Variants in ZCCHC2 observed in about 807,000 individuals in gnomAD.
ZCCHC2 encodes zinc finger CCHC domain-containing protein 2.
Under a neutral mutation model 103.6 loss-of-function variants are expected in ZCCHC2, and 39 were observed. That is an observed-to-expected ratio of 0.38 (90% confidence interval 0.29 to 0.49). The LOEUF is 0.49. ZCCHC2 is among the 20% of genes least tolerant of loss of function. ZCCHC2 has a pLI of 0.96. For synonymous variants in ZCCHC2, 687 were observed against 608.9 expected (o/e 1.13, Z -1.89); for missense variants, 1,483 against 1,491.0 (o/e 0.99, Z 0.09).
At position 62,562,994 on chromosome 18, in the gene ZCCHC2, A is replaced by G; in HGVS notation, c.1551-15A>G. 1 of 1,598,106 alleles carries G rather than the reference A, an allele frequency of 6.3e-7. No individual in the cohort carries two copies. The highest frequency in any genetic ancestry group is 8.6e-7 in the Non-Finnish European group (1 of 1,166,986). ...AGGGCAGATTTTCACACTTTCATAAACTTTTCTTTGGTAGCAATATTGGTA... is the reference window on the plus strand; with the variant it reads ...AGGGCAGATTTTCACACTTTCATAAGCTTTTCTTTGGTAGCAATATTGGTA... On this transcript the variant is annotated splice_polypyrimidine_tract_variant and intron_variant, in intron 8 of 13. Coordinates refer to ENST00000269499, the MANE Select transcript of ZCCHC2 (RefSeq NM_017742.6).
At chr18:62,524,458 G>A (rs1295676925) in intron 1 of ZCCHC2, 95 bp downstream of exon 1, 11 of 1,398,678 alleles carry the variant, frequency 7.9e-6, no homozygotes, top group African/African-American at 1.5e-5. Context: ...CCGAGCCCCA[G>A]CCCGGCGCAG....
At position 62,523,597 on chromosome 18, in the gene ZCCHC2, T is replaced by TGCCGCC. The variant is rs937867401; in HGVS notation, c.186_191dup (p.Pro63_Pro64dup). The TGCCGCC allele has an allele frequency of 4.7e-5, 49 of 1,036,680 alleles. No homozygotes were observed. The highest frequency in any genetic ancestry group is 4.2e-4 in the Middle Eastern group (1 of 2,364). 64.2% of individuals were successfully genotyped at this position (1,036,680 alleles called of 1,614,324 possible). On this transcript the variant is annotated inframe_insertion, in exon 1 of 14. Transcript: ENST00000269499. Reference sequence around the variant, plus strand: ...CCCGCGGGCCCGTCGCGGGGCCCTCTGCCGCCGCCGCCGCCGCCCCGGGGA... The same window carrying TGCCGCC: ...CCCGCGGGCCCGTCGCGGGGCCCTCTGCCGCCGCCGCCGCCGCCGCCGCCCCGGGGA...
intron 3 of ZCCHC2, 25 bp from the exon 4 acceptor site, chr18:62,544,777 A>G (rs1915342508): frequency 1.3e-6 from 2 of 1,525,314 alleles, no homozygotes; most frequent in African/African-American, 1.4e-5. Flanking sequence ...ATAACCATAT[A>G]ATATGTGTGT....
At chr18:62,549,559 A>G (rs868657768) in intron 4 of ZCCHC2, among the ~76,000 whole-genome samples, 1 of 152,254 alleles carries the variant, frequency 6.6e-6, no homozygotes, top group Non-Finnish European at 1.5e-5. Flanking sequence ...AATTTTAGTG[A>G]AAGTGCCAGT....
At chr18:62,531,633 G>A (rs899536345) in intron 1 of ZCCHC2, among the ~76,000 whole-genome samples, 5 of 152,000 alleles carry the variant, frequency 3.3e-5, no homozygotes, top group Admixed American at 1.3e-4. Context: ...GCACAATTTG[G>A]TTGCAGTGGA....
At chr18:62,528,499 T>C (rs917944254) in intron 1 of ZCCHC2, among the ~76,000 whole-genome samples, 66 of 151,236 alleles carry the variant, frequency 4.4e-4, no homozygotes, top group African/African-American at 1.5e-3. Flanking sequence ...CTCTGGAGGC[T>C]GAGGCAGGAG....
At chr18:62,550,135 C>T (rs1915600461) in intron 4 of ZCCHC2, among the ~76,000 whole-genome samples, 1 of 152,166 alleles carries the variant, frequency 6.6e-6, no homozygotes, top group South Asian at 2.1e-4. Context: ...TGGGGGAGCC[C>T]TGAGGTTCAG....
intron 3 of ZCCHC2, 117 bp from the exon 4 acceptor site, chr18:62,544,685 C>G (rs995076942): frequency 1.3e-6 from 1 of 768,398 alleles, no homozygotes; most frequent in Non-Finnish European, 2.0e-6. Flanking sequence ...CTTTATATTT[C>G]TAACTGTTAA....
In ZCCHC2 at chr18:62,575,527, C is replaced by T. The variant is rs755323708; in HGVS notation, c.3446C>T (p.Ser1149Leu). 2.9e-5 allele frequency: 46 copies of T among 1,613,462 alleles called. No homozygotes were observed. The highest frequency in any genetic ancestry group is 1.3e-4 in the Admixed American group (8 of 59,998). ...SGHYAQDCKQ[S>L]SMEANQQGTY... ...CACTATGCACAGGACTGTAAGCAGT[C>T]GTCCATGGAGGCCAATCAACAAGGT... is the stretch of plus-strand genomic sequence containing the variant. Residue 1149 changes from serine (S) to leucine (L), a missense_variant, in exon 13 of 14, where the codon TCG (serine) becomes TTG (leucine). Physicochemically the swap from Ser to Leu is moderately radical, Grantham distance 145. Transcript: ENST00000269499.
At chr18:62,551,963 C>G (rs1303893451) in intron 5 of ZCCHC2, 4 of 152,076 alleles carry the variant, frequency 2.6e-5, no homozygotes, top group African/African-American at 7.2e-5. Flanking sequence ...TACGGCCCCC[C>G]TCCTGAGTAG....
chr18:62,565,338 C>T (rs928760231), intron 11 of ZCCHC2, among the ~76,000 whole-genome samples: 2 of 152,118 alleles, frequency 1.3e-5, no homozygotes, highest in Non-Finnish European at 2.9e-5. Flanking sequence ...CTGCCTCTCC[C>T]TTCTGGCAGC....
At chr18:62,528,134 T>A (rs988354321) in intron 1 of ZCCHC2, among the ~76,000 whole-genome samples, 1 of 152,244 alleles carries the variant, frequency 6.6e-6, no homozygotes, top group African/African-American at 2.4e-5. Context: ...CTAACAGTAC[T>A]AATGTTTGAA....
Position 62,523,487 on chromosome 18 carries a change from G to C in ZCCHC2, c.63G>C (p.Glu21Asp), listed in dbSNP as rs996883003. ...CCGCGGAGCCGCCGCCCGAGGCGGA[G>C]GAGCCCGAGGCGGACGCGCGGCCGG... ...THPAEPPPEAEEPEADARPGA... is the reference protein window; with the variant it reads ...THPAEPPPEADEPEADARPGA... The change falls in exon 1 of 14, where the codon GAG becomes GAC. Residue 21 changes from glutamate to aspartate, a missense_variant. By Grantham distance (45) the Glu-to-Asp change is conservative. Coordinates refer to ENST00000269499, the MANE Select transcript of ZCCHC2 (RefSeq NM_017742.6). 2 of 1,048,108 alleles carry C rather than the reference G, an allele frequency of 1.9e-6. No individual in the cohort carries two copies. The highest frequency in any genetic ancestry group is 2.3e-6 in the Non-Finnish European group (2 of 864,330). 64.9% of individuals were successfully genotyped at this position (1,048,108 alleles called of 1,614,324 possible).
intron 5 of ZCCHC2, among the ~76,000 whole-genome samples, chr18:62,554,201 T>G (rs1309537612): frequency 6.6e-6 from 1 of 152,180 alleles, no homozygotes; most frequent in Non-Finnish European, 1.5e-5. Flanking sequence ...TCTCAGTTTG[T>G]GGGTTTTAAA....
Position 62,575,197 on chromosome 18 carries a change from C to T in ZCCHC2, c.3116C>T (p.Pro1039Leu), listed in dbSNP as rs1182092265. Residue 1039 changes from proline to leucine, a missense_variant, in exon 13 of 14, where the codon CCT (proline) becomes CTT (leucine). Around this residue, in one of 3 missense-constraint regions of ZCCHC2, gnomAD observed 884 missense variants for 907.5 expected, o/e 0.97. Transcript: ENST00000269499. ...LNSYYYPNPMPGPMYRVPSFF... is the reference protein window; with the variant it reads ...LNSYYYPNPMLGPMYRVPSFF... ...AGTTACTATTATCCTAATCCAATGCCTGGACCAATGTACCGAGTCCCTTCA... is the reference window on the plus strand; with the variant it reads ...AGTTACTATTATCCTAATCCAATGCTTGGACCAATGTACCGAGTCCCTTCA... 6.2e-7 allele frequency: 1 copy of T among 1,614,044 alleles called. No homozygotes were observed.
chr18:62,527,416 A>G (rs1034897820), intron 1 of ZCCHC2, among the ~76,000 whole-genome samples: 1 of 152,256 alleles, frequency 6.6e-6, no homozygotes, highest in African/African-American at 2.4e-5. Context: ...ACACGTACAC[A>G]GGTTGCCGGT....
At chr18:62,548,181 A>C (rs1214974183) in intron 4 of ZCCHC2, among the ~76,000 whole-genome samples, 3 of 152,162 alleles carry the variant, frequency 2.0e-5, no homozygotes, top group East Asian at 3.9e-4. Flanking sequence ...GGTATGCTAG[A>C]ACTAGGATTG....
Position 62,523,433 on chromosome 18 carries a change from G to A in ZCCHC2, c.9G>A (p.Arg3=). The change falls in exon 1 of 14, where the codon AGG becomes AGA. Residue 3 remains arginine, a synonymous_variant. Transcript: ENST00000269499. ML[R]MKLPLKPTHP... ...CGCCGCCCTAGCCGAGGATGCTGAG[G>A]ATGAAGCTGCCGCTGAAGCCAACGC... 2 of 1,101,664 alleles carry A rather than the reference G, an allele frequency of 1.8e-6. No homozygotes were observed. Among genetic ancestry groups the A allele is most frequent in the South Asian group, 2.1e-5 (1 of 47,768 alleles). 68.2% of individuals were successfully genotyped at this position (1,101,664 alleles called of 1,614,324 possible). A position where few individuals can be genotyped will look rare whatever the true frequency, so the allele number is the denominator to read the frequency against.
rs111515138 is a variant in ZCCHC2, at chr18:62,570,065, CTT to C, written c.1847-37_1847-36del. On this transcript the variant is annotated intron_variant, in intron 11 of 13. Coordinates refer to ENST00000269499, the MANE Select transcript of ZCCHC2 (RefSeq NM_017742.6). ...CAACTTAGAAATTAATTTAAAATGACTTAACATGATTTTTTAAAATAGTGTTG... is the reference window on the plus strand; with the variant it reads ...CAACTTAGAAATTAATTTAAAATGACAACATGATTTTTTAAAATAGTGTTG... 1.4e-3 allele frequency: 2,123 copies of C among 1,523,488 alleles called. 26 individuals carry two copies. In the African/African-American group the frequency reaches 0.025, roughly 18 times the overall value. 94.4% of individuals were successfully genotyped at this position (1,523,488 alleles called of 1,614,324 possible). A position where few individuals can be genotyped will look rare whatever the true frequency, so the allele number is the denominator to read the frequency against.
Sources: gnomAD v4.1 joint callset for allele counts (sites outside exome capture counted in the v4.1 genomes callset) on GRCh38, gnomAD v4.1.1 for gene constraint, gnomAD v4.1.1 regional missense constraint, MANE v1.5 for transcripts, NCBI Gene and HGNC (gene_info 2026-07-23, HGNC 2026-07-21) for gene names.